The following PTPRD variants were observed in gnomAD, a reference collection of about 807,000 sequenced individuals.
The protein encoded by PTPRD is protein tyrosine phosphatase receptor type D, also known as receptor-type tyrosine-protein phosphatase delta.
Under a neutral mutation model 214.5 loss-of-function variants are expected in PTPRD, and 34 were observed. The ratio of observed to expected loss-of-function variants is 0.16; its 90% CI spans 0.12 to 0.21. The LOEUF is 0.21. Among genes scored for constraint, PTPRD ranks in the 10% least tolerant of loss-of-function variants. The probability of loss-of-function intolerance (pLI) is 1.00; values close to 1 mark genes in which losing one functional copy is unlikely to be tolerated. For synonymous variants in PTPRD, 1,128 were observed against 845.7 expected (o/e 1.33, Z -5.79); for missense variants, 2,545 against 2,398.7 (o/e 1.06, Z -1.27).
intron 7 of PTPRD, among the ~76,000 whole-genome samples, chr9:9,719,537 G>T: frequency 7.7e-6 from 1 of 129,668 alleles, no homozygotes; most frequent in East Asian, 2.0e-4. Flanking sequence ...TCCCCAAACA[G>T]GAAGCAGCAG....
chr9:8,474,915 A>T (rs2096733515), intron 30 of PTPRD, among the ~76,000 whole-genome samples: 1 of 151,924 alleles, frequency 6.6e-6, no homozygotes, highest in Admixed American at 6.5e-5. Context: ...CTTTCTTAGG[A>T]AGTTTACCAT....
chr9:9,432,513 A>C (rs143307804), intron 8 of PTPRD, among the ~76,000 whole-genome samples: 2 of 152,340 alleles, frequency 1.3e-5, no homozygotes, highest in African/African-American at 4.8e-5. Flanking sequence ...AACAAGAAAT[A>C]GCCTAATTTT....
intron 11 of PTPRD, among the ~76,000 whole-genome samples, chr9:8,958,067 A>C (rs1044355116): frequency 4.6e-5 from 7 of 151,910 alleles, no homozygotes; most frequent in African/African-American, 1.7e-4. Flanking sequence ...CTGTAAATGA[A>C]ACTTCAATAA....
At chr9:9,856,330 AC>A (rs1333215216) in intron 5 of PTPRD, among the ~76,000 whole-genome samples, 1 of 152,028 alleles carries the variant, frequency 6.6e-6, no homozygotes, top group Non-Finnish European at 1.5e-5. Flanking sequence ...GAGTGGGGAA[AC>A]GGGATAGAAG....
intron 14 of PTPRD, among the ~76,000 whole-genome samples, chr9:8,581,690 T>C (rs2093127482): frequency 6.6e-6 from 1 of 151,266 alleles, no homozygotes; most frequent in African/African-American, 2.4e-5. Context: ...AAGCTTGCAG[T>C]GAGCCGAGAT....
At chr9:10,552,254 T>C (rs1270840909) in intron 2 of PTPRD, among the ~76,000 whole-genome samples, 1 of 151,972 alleles carries the variant, frequency 6.6e-6, no homozygotes, top group African/African-American at 2.4e-5. Flanking sequence ...AACCAAGCTT[T>C]TTTATCTGTA....
chr9:9,306,393 G>A (rs1324723259), intron 9 of PTPRD, among the ~76,000 whole-genome samples: 8 of 151,052 alleles, frequency 5.3e-5, no homozygotes, highest in Admixed American at 1.3e-4. Flanking sequence ...GTGAAATCCC[G>A]TCTCTACTAA....
chr9:9,633,518 A>T (rs1429033829), intron 7 of PTPRD, among the ~76,000 whole-genome samples: 4 of 120,716 alleles, frequency 3.3e-5, no homozygotes. Context: ...TAAGGTTAAA[A>T]GTGATTATAA....
At chr9:8,972,538 T>C in intron 11 of PTPRD, among the ~76,000 whole-genome samples, 1 of 151,374 alleles carries the variant, frequency 6.6e-6, no homozygotes, top group Non-Finnish European at 1.5e-5. Flanking sequence ...GGAAAGGAGA[T>C]AGGAAGGGAA....
At chr9:9,588,920 G>A (rs1200306165) in intron 7 of PTPRD, among the ~76,000 whole-genome samples, 1 of 151,872 alleles carries the variant, frequency 6.6e-6, no homozygotes, top group Admixed American at 6.6e-5. Context: ...GAGAAACTGT[G>A]ACTTAGAACA....
At chr9:10,172,331 T>G (rs117922540) in intron 3 of PTPRD, among the ~76,000 whole-genome samples, 246 of 152,286 alleles carry the variant, frequency 1.6e-3, no homozygotes, top group Non-Finnish European at 1.7e-3. Flanking sequence ...CCACCCCATA[T>G]GCAGAGATCC....
intron 2 of PTPRD, among the ~76,000 whole-genome samples, chr9:10,482,370 C>T (rs1490193648): frequency 2.0e-5 from 3 of 151,398 alleles, no homozygotes; most frequent in Non-Finnish European, 4.4e-5. Context: ...GACTCCGTTT[C>T]AATAAATAAA....
At chr9:8,789,672 G>A (rs2096142221) in intron 11 of PTPRD, among the ~76,000 whole-genome samples, 1 of 150,602 alleles carries the variant, frequency 6.6e-6, no homozygotes, top group Non-Finnish European at 1.5e-5. Flanking sequence ...TTATTGAGGG[G>A]CAAAAAAAAT....
chr9:9,149,096 G>C (rs771893659), intron 10 of PTPRD, among the ~76,000 whole-genome samples: 1 of 152,220 alleles, frequency 6.6e-6, no homozygotes. Flanking sequence ...AGCTTCCGCA[G>C]TCTGACTGTT....
At chr9:8,703,296 T>C (rs1056464916) in intron 12 of PTPRD, among the ~76,000 whole-genome samples, 2 of 152,226 alleles carry the variant, frequency 1.3e-5, no homozygotes, top group Non-Finnish European at 2.9e-5. Flanking sequence ...TGAGTACTTA[T>C]GATATTACAT....
intron 12 of PTPRD, among the ~76,000 whole-genome samples, chr9:8,723,404 G>A (rs1021845218): frequency 6.6e-6 from 1 of 151,898 alleles, no homozygotes; most frequent in East Asian, 1.9e-4. Flanking sequence ...TACGATCTTT[G>A]CAGCATTTAT....
chr9:10,169,505 G>A lies in PTPRD; in HGVS notation c.-544-135715C>T, dbSNP rs527593851. On this transcript the variant is annotated intron_variant, in intron 3 of 45. Coordinates refer to ENST00000381196, the MANE Select transcript of PTPRD (RefSeq NM_002839.4). ...AAAAAAAAAAAAAAGCAATGAGTAG[G>A]ACCACATTTCTTGTAATGACAGAGA... 2.0e-5 allele frequency among the ~76,000 whole-genome samples: 3 copies of A among 146,914 alleles called. No individual in the cohort carries two copies. The South Asian group carries it at 6.4e-4, about 31-fold the overall frequency.
Position 8,583,899 on chromosome 9 carries a change from C to T in PTPRD, c.352+49418G>A, listed in dbSNP as rs549511869. Among the ~76,000 whole-genome samples the T allele has an allele frequency of 2.6e-5, 4 of 152,308 alleles. No homozygotes were observed. The East Asian group carries it at 7.7e-4, about 29-fold the overall frequency. On this transcript the variant is annotated intron_variant, in intron 14 of 45. Transcript: ENST00000381196. ...GGGTGCAGTGGCTCATGCCTGTAAT[C>T]TCAGCATTTTGGGAAGCCAAGGCGG...
chr9:8,607,468 C>A (rs535314287), intron 14 of PTPRD, among the ~76,000 whole-genome samples: 7 of 152,166 alleles, frequency 4.6e-5, no homozygotes, highest in African/African-American at 7.2e-5. Context: ...CATGGTGAAA[C>A]CCCGTCTCTA....
Sources: allele counts gnomAD v4.1 joint callset (sites outside exome capture counted in the v4.1 genomes callset), GRCh38; gene constraint gnomAD v4.1.1; transcripts MANE v1.5; gene names NCBI Gene and HGNC (gene_info 2026-07-23, HGNC 2026-07-21).